The following MELK variants were observed in gnomAD, a reference collection of about 807,000 sequenced individuals.
The protein encoded by MELK is pEg3 kinase.
In MELK, 81 loss-of-function variants were observed where a neutral mutation model predicts 85.0. That is an observed-to-expected ratio of 0.95 (90% CI 0.80 to 1.15). The LOEUF is 1.15. Ranked by LOEUF, MELK falls within the 50% of genes most tolerant of loss-of-function variation. The probability of loss-of-function intolerance (pLI) is 0.00; values close to 1 mark genes in which losing one functional copy is unlikely to be tolerated. For synonymous variants in MELK, 252 were observed against 265.0 expected (o/e 0.95, Z 0.48); for missense variants, 754 against 777.5 (o/e 0.97, Z 0.36).
rs147502395 is a variant in MELK at position 36,657,248 on chromosome 9, A to T, written c.1061A>T (p.Asn354Ile). 5 of 1,611,084 alleles carry T rather than the reference A, an allele frequency of 3.1e-6. No homozygotes were observed. In the African/African-American group the frequency reaches 6.7e-5, roughly 22 times the overall value. ...CTGTCTTTCATTGAGTAGTCAAATAATTGGAGTCTGGAAGATGTGACCGCA... is the reference window on the plus strand; with the variant it reads ...CTGTCTTTCATTGAGTAGTCAAATATTTGGAGTCTGGAAGATGTGACCGCA... ...ATPFTDIKSN[N>I]WSLEDVTASD... Residue 354 changes from asparagine to isoleucine, a missense_variant, in exon 13 of 18, where the codon AAT (asparagine) becomes ATT (isoleucine). Asn to Ile is a moderately radical substitution (Grantham distance 149, BLOSUM62 -3). Coordinates refer to ENST00000298048, the MANE Select transcript of MELK (RefSeq NM_014791.4).
intron 8 of MELK, among the ~76,000 whole-genome samples, chr9:36,616,066 CG>C (rs1013065332): frequency 6.6e-6 from 1 of 152,104 alleles, no homozygotes; most frequent in Admixed American, 6.5e-5. Flanking sequence ...GCTTCCCGGG[CG>C]GCGCTCGCCG....
At chr9:36,586,077 A>G (rs10814405) in intron 3 of MELK, among the ~76,000 whole-genome samples, 14,985 of 152,170 alleles carry the variant, frequency 0.098, 777 homozygotes, top group Middle Eastern at 0.15. Flanking sequence ...ACTGTGGCTC[A>G]CACCTGTAAT....
At chr9:36,629,602 T>G (rs1431063887) in intron 8 of MELK, among the ~76,000 whole-genome samples, 5 of 152,236 alleles carry the variant, frequency 3.3e-5, no homozygotes, top group Admixed American at 6.5e-5. Flanking sequence ...GCTTTTCTGC[T>G]GCTTCATTTT....
At chr9:36,603,531 A>G (rs1381985105) in intron 7 of MELK, among the ~76,000 whole-genome samples, 2 of 151,574 alleles carry the variant, frequency 1.3e-5, no homozygotes, top group African/African-American at 4.9e-5. Flanking sequence ...TCCTAGACTC[A>G]AGCAGTCCTC....
At chr9:36,676,532 C>T (rs780729247) in intron 17 of MELK, among the ~76,000 whole-genome samples, 6 of 152,080 alleles carry the variant, frequency 3.9e-5, no homozygotes, top group South Asian at 2.1e-4. Flanking sequence ...GTAGATAATG[C>T]GGCAGTTCTA....
intron 8 of MELK, 178 bp from the exon 9 acceptor site, chr9:36,630,121 A>G (rs1031804053): frequency 1.6e-6 from 1 of 611,362 alleles, no homozygotes; most frequent in South Asian, 2.1e-5. Flanking sequence ...CTGGGACTTC[A>G]GGTGTGAGCC....
At chr9:36,583,211 G>A (rs1822437985) in intron 2 of MELK, among the ~76,000 whole-genome samples, 1 of 152,048 alleles carries the variant, frequency 6.6e-6, no homozygotes, top group African/African-American at 2.4e-5. Flanking sequence ...CTGACCTTGT[G>A]ATCCGCCCGC....
In MELK at chr9:36,677,360, C is replaced by T. The variant is rs201509530; in HGVS notation, c.*23C>T. The T allele has an allele frequency of 9.3e-5, 148 of 1,596,484 alleles. No individual in the cohort carries two copies. Among genetic ancestry groups the T allele is most frequent in the Middle Eastern group, 1.7e-4 (1 of 6,006 alleles). ...TAATTGATGGATTCTTCCATCCTGC[C>T]GGATGAGTGTGGGTGTGATACAGCC... is the stretch of plus-strand genomic sequence containing the variant. On this transcript the variant is annotated 3_prime_UTR_variant, in exon 18 of 18. Coordinates refer to ENST00000298048, the MANE Select transcript of MELK (RefSeq NM_014791.4).
chr9:36,581,578 T>A, intron 1 of MELK, 66 bp from the exon 2 acceptor site: 1 of 809,138 alleles, frequency 1.2e-6, no homozygotes, highest in Non-Finnish European at 2.1e-6. Flanking sequence ...AGATTTGCAG[T>A]TACAAGAATG....
chr9:36,615,464 C>T (rs1308474622), intron 8 of MELK, among the ~76,000 whole-genome samples: 4 of 144,084 alleles, frequency 2.8e-5, no homozygotes, highest in Admixed American at 6.7e-5. Context: ...ACCTCCCTCC[C>T]GGATGGGGCG....
At chr9:36,622,512 G>C (rs116809468) in intron 8 of MELK, among the ~76,000 whole-genome samples, 22 of 152,068 alleles carry the variant, frequency 1.4e-4, no homozygotes, top group Non-Finnish European at 3.1e-4. Flanking sequence ...GCACTTTCTA[G>C]CATGATTACT....
intron 13 of MELK, among the ~76,000 whole-genome samples, chr9:36,659,987 C>T (rs894656579): frequency 1.8e-4 from 28 of 151,962 alleles, no homozygotes; most frequent in Admixed American, 7.2e-4. Flanking sequence ...TTAGTAGAGA[C>T]GAGGTTTCAC....
intron 11 of MELK, among the ~76,000 whole-genome samples, chr9:36,644,898 A>C (rs1054305956): frequency 1.3e-5 from 2 of 152,106 alleles, no homozygotes; most frequent in South Asian, 2.1e-4. Context: ...TTTCCACGTA[A>C]ATCCCAGATA....
intron 6 of MELK, 147 bp downstream of exon 6, chr9:36,597,437 G>A (rs1824412390): frequency 2.9e-6 from 2 of 688,656 alleles, no homozygotes; most frequent in African/African-American, 3.6e-5. Context: ...GGTATGGGTA[G>A]TTTTTGTAAG....
chr9:36,596,343 C>T (rs915556264), intron 5 of MELK, among the ~76,000 whole-genome samples: 12 of 152,054 alleles, frequency 7.9e-5, no homozygotes, highest in African/African-American at 2.9e-4. Context: ...GCAAGTTCTG[C>T]CTCCCGTGTT....
At chr9:36,583,863 C>G in intron 3 of MELK, 151 bp downstream of exon 3, 1 of 578,592 alleles carries the variant, frequency 1.7e-6, no homozygotes, top group Middle Eastern at 4.8e-4. Context: ...AAAAAGTAAT[C>G]TGGGGGAAGG....
Position 36,606,120 on chromosome 9 carries a change from C to G in MELK, c.568-1455C>G, listed in dbSNP as rs547158081. ...GGATATCACATATAAAGGTTAAGCT[C>G]TTTTCTGGGATTTTGAGATTTGTAG... On this transcript the variant is annotated intron_variant, in intron 7 of 17. Coordinates refer to ENST00000298048, the MANE Select transcript of MELK (RefSeq NM_014791.4). Among the ~76,000 whole-genome samples, 3 of 151,836 alleles carry G rather than the reference C, an allele frequency of 2.0e-5. No individual in the cohort carries two copies. In the South Asian group the frequency reaches 6.2e-4, roughly 32 times the overall value.
chr9:36,646,985 C>T (rs1309934382), intron 11 of MELK, among the ~76,000 whole-genome samples: 1 of 152,184 alleles, frequency 6.6e-6, no homozygotes, highest in Non-Finnish European at 1.5e-5. Flanking sequence ...ATAAGGGAAA[C>T]CTTTGTCTTA....
At chr9:36,630,972 T>A (rs1409241889) in intron 9 of MELK, among the ~76,000 whole-genome samples, 1 of 145,268 alleles carries the variant, frequency 6.9e-6, no homozygotes, top group African/African-American at 2.6e-5. Context: ...TTTTTTTTTT[T>A]TTTTTTATTT....
Sources: gnomAD v4.1 joint callset for allele counts (sites outside exome capture counted in the v4.1 genomes callset) on GRCh38, gnomAD v4.1.1 for gene constraint, MANE v1.5 for transcripts, NCBI Gene and HGNC (gene_info 2026-07-23, HGNC 2026-07-21) for gene names.